GPC5: variants seen among roughly 807,000 people sequenced by gnomAD.
GPC5 encodes the protein glypican-5.
Under a neutral mutation model 53.9 loss-of-function variants are expected in GPC5, and 47 were observed. That is an observed-to-expected ratio of 0.87 (90% CI 0.69 to 1.11). GPC5 has a LOEUF of 1.11. Among genes scored for constraint, GPC5 ranks in the 50% most tolerant of loss-of-function variants. The pLI, the probability that GPC5 is intolerant of heterozygous loss-of-function variation, is 0.00. For synonymous variants in GPC5, 286 were observed against 263.3 expected, an observed-to-expected ratio of 1.09 and a Z score of -0.84; for missense variants, 748 against 713.1, an observed-to-expected ratio of 1.05 and a Z score of -0.56.
chr13:91,798,434 A>G (rs1291593956), intron 5 of GPC5, among the ~76,000 whole-genome samples: 1 of 152,178 alleles, frequency 6.6e-6, no homozygotes, highest in African/African-American at 2.4e-5. Flanking sequence ...AAGTGAGAAC[A>G]TTCAGTGCTT....
intron 2 of GPC5, among the ~76,000 whole-genome samples, chr13:91,676,402 A>G (rs976640771): frequency 3.9e-5 from 6 of 152,130 alleles, no homozygotes; most frequent in Admixed American, 6.6e-5. Flanking sequence ...GGATAATGCT[A>G]GGTCATGTCT....
intron 7 of GPC5, among the ~76,000 whole-genome samples, chr13:92,191,995 G>A (rs1291678310): frequency 6.6e-6 from 1 of 152,112 alleles, no homozygotes; most frequent in Non-Finnish European, 1.5e-5. Flanking sequence ...TCAAACCATT[G>A]TAAATTAGGG....
At chr13:91,612,095 C>T (rs1436499225) in intron 2 of GPC5, among the ~76,000 whole-genome samples, 1 of 152,090 alleles carries the variant, frequency 6.6e-6, no homozygotes, top group East Asian at 1.9e-4. Flanking sequence ...GTATATTTTC[C>T]AACTCTGGAA....
At chr13:91,704,798 C>G (rs773604768) in intron 3 of GPC5, among the ~76,000 whole-genome samples, 1 of 152,196 alleles carries the variant, frequency 6.6e-6, no homozygotes, top group Non-Finnish European at 1.5e-5. Flanking sequence ...CTACCCTAAC[C>G]CCTTCCTAAT....
intron 6 of GPC5, among the ~76,000 whole-genome samples, chr13:91,996,899 A>G (rs1056730053): frequency 6.6e-6 from 1 of 152,122 alleles, no homozygotes; most frequent in African/African-American, 2.4e-5. Context: ...TTTTATTGTT[A>G]TGTAGTATTG....
rs1001229153 is a variant in GPC5 at position 92,726,514 on chromosome 13, C to T, written c.1562-139768C>T. On this transcript the variant is annotated intron_variant, in intron 7 of 7. Coordinates refer to ENST00000377067, the MANE Select transcript of GPC5 (RefSeq NM_004466.6). ...TTAAGTGATTCTGCCACCTCAGCTT[C>T]CCAAGTAGCTGAGACTACAGGCCCA... Among the ~76,000 whole-genome samples, 15 of 151,646 alleles carry T rather than the reference C, an allele frequency of 9.9e-5. 1 individual carries two copies. The South Asian group carries it at 1.7e-3, about 17-fold the overall frequency.
intron 7 of GPC5, among the ~76,000 whole-genome samples, chr13:92,207,589 C>G (rs191705060): frequency 6.6e-6 from 1 of 152,222 alleles, no homozygotes; most frequent in East Asian, 1.9e-4. Flanking sequence ...TATTGAGAAA[C>G]CTCACTTGGC....
At chr13:91,991,881 G>A (rs556402061) in intron 6 of GPC5, among the ~76,000 whole-genome samples, 1 of 152,162 alleles carries the variant, frequency 6.6e-6, no homozygotes, top group East Asian at 1.9e-4. Context: ...AAACATTAGT[G>A]TGTGGTTAGG....
intron 7 of GPC5, among the ~76,000 whole-genome samples, chr13:92,594,531 A>G (rs1056804283): frequency 2.0e-5 from 3 of 152,174 alleles, no homozygotes; most frequent in African/African-American, 4.8e-5. Flanking sequence ...AAAACATTCT[A>G]AAAAGTTCAC....
chr13:91,871,434 A>G (rs2039143033), intron 5 of GPC5, among the ~76,000 whole-genome samples: 1 of 152,080 alleles, frequency 6.6e-6, no homozygotes, highest in Admixed American at 6.6e-5. Flanking sequence ...GAAATGATAT[A>G]TACAACAAAT....
At chr13:91,908,544 T>C (rs756250956) in intron 6 of GPC5, among the ~76,000 whole-genome samples, 10 of 152,190 alleles carry the variant, frequency 6.6e-5, no homozygotes, top group Non-Finnish European at 1.3e-4. Context: ...TCTTATAATC[T>C]AGCTAATGGT....
chr13:92,031,007 T>G (rs1357902643), intron 6 of GPC5, among the ~76,000 whole-genome samples: 2 of 152,194 alleles, frequency 1.3e-5, no homozygotes, highest in East Asian at 1.9e-4. Flanking sequence ...ATAAAAATTT[T>G]TCATGGCCTT....
chr13:92,177,666 G>A (rs1015202338), intron 7 of GPC5, among the ~76,000 whole-genome samples: 1 of 152,040 alleles, frequency 6.6e-6, no homozygotes, highest in African/African-American at 2.4e-5. Context: ...CAGCAAAATT[G>A]TGTTTATTTC....
chr13:92,637,744 A>G (rs1885453725), intron 7 of GPC5, among the ~76,000 whole-genome samples: 1 of 152,178 alleles, frequency 6.6e-6, no homozygotes, highest in South Asian at 2.1e-4. Flanking sequence ...CAGGCATACA[A>G]ACAAGCAGAA....
intron 7 of GPC5, among the ~76,000 whole-genome samples, chr13:92,299,047 A>T (rs2043057820): frequency 6.6e-6 from 1 of 152,202 alleles, no homozygotes; most frequent in Non-Finnish European, 1.5e-5. Flanking sequence ...ATAGTTAGAG[A>T]AAATTTTATA....
chr13:91,684,224 G>A (rs2035571937), intron 2 of GPC5, among the ~76,000 whole-genome samples: 1 of 151,770 alleles, frequency 6.6e-6, no homozygotes, highest in Non-Finnish European at 1.5e-5. Flanking sequence ...TTCCCCTTCG[G>A]TTATTTCATC....
At chr13:92,283,154 C>G (rs1245982238) in intron 7 of GPC5, among the ~76,000 whole-genome samples, 1 of 152,172 alleles carries the variant, frequency 6.6e-6, no homozygotes, top group Non-Finnish European at 1.5e-5. Flanking sequence ...AAGGCCATTA[C>G]ATAATGGTAA....
At chr13:91,880,097 G>T (rs2039247895) in intron 5 of GPC5, among the ~76,000 whole-genome samples, 1 of 152,046 alleles carries the variant, frequency 6.6e-6, no homozygotes, top group East Asian at 1.9e-4. Context: ...AAAAACACTG[G>T]TTATAGGGAC....
At chr13:91,410,189 T>C (rs554470278) in intron 1 of GPC5, among the ~76,000 whole-genome samples, 2 of 152,230 alleles carry the variant, frequency 1.3e-5, no homozygotes, top group Non-Finnish European at 2.9e-5. Flanking sequence ...GAGAAGCATG[T>C]GGTATTGGGA....
Sources: allele counts gnomAD v4.1 joint callset (sites outside exome capture counted in the v4.1 genomes callset), GRCh38; gene constraint gnomAD v4.1.1; transcripts MANE v1.5; gene names NCBI Gene and HGNC (gene_info 2026-07-23, HGNC 2026-07-21).